The following FGF14 variants were observed in gnomAD, a reference collection of about 807,000 sequenced individuals.
FGF14 encodes fibroblast growth factor 14, also known as fibroblast growth factor homologous factor 4.
FGF14 carries 5 observed loss-of-function variants against 25.5 expected under a neutral mutation model. That is an observed-to-expected ratio of 0.20 (90% CI 0.10 to 0.41). The LOEUF (loss-of-function observed/expected upper bound fraction) is 0.41. FGF14 is among the 10% of genes least tolerant of loss of function. The pLI is 1.00. For missense variants in FGF14, 222 were observed against 320.1 expected, an observed-to-expected ratio of 0.69 and a Z score of 2.34; for synonymous variants, 138 against 118.3, an observed-to-expected ratio of 1.17 and a Z score of -1.08.
chr13:102,330,319 G>T (rs2056594413), intron 1 of FGF14, among the ~76,000 whole-genome samples: 1 of 152,020 alleles, frequency 6.6e-6, no homozygotes, highest in African/African-American at 2.4e-5. Flanking sequence ...CTATTATTGT[G>T]AACCAATTTT....
intron 1 of FGF14, among the ~76,000 whole-genome samples, chr13:101,888,444 GA>G (rs1204904050): frequency 6.6e-6 from 1 of 152,124 alleles, no homozygotes; most frequent in Non-Finnish European, 1.5e-5. Context: ...ATATATACAT[GA>G]ATGTGTGTGT....
At chr13:102,055,667 T>A (rs1379528437) in intron 1 of FGF14, among the ~76,000 whole-genome samples, 1 of 152,168 alleles carries the variant, frequency 6.6e-6, no homozygotes, top group Non-Finnish European at 1.5e-5. Context: ...CCACTTGAGA[T>A]TCAATGTTCA....
At chr13:102,150,570 C>T (rs1594159078) in intron 1 of FGF14, among the ~76,000 whole-genome samples, 1 of 152,066 alleles carries the variant, frequency 6.6e-6, no homozygotes, top group East Asian at 2.0e-4. Context: ...CTCCTTTAAA[C>T]ATGACAAGCC....
intron 1 of FGF14, among the ~76,000 whole-genome samples, chr13:102,295,821 G>T (rs530744151): frequency 6.6e-6 from 1 of 152,248 alleles, no homozygotes; most frequent in South Asian, 2.1e-4. Context: ...GTCTGAATGG[G>T]CAGTAAAATA....
chr13:102,260,094 C>T (rs1163443828), intron 1 of FGF14, among the ~76,000 whole-genome samples: 1 of 150,052 alleles, frequency 6.7e-6, no homozygotes, highest in African/African-American at 2.5e-5. Flanking sequence ...AGTCAGAGAA[C>T]AAGAAAAAGA....
At chr13:101,911,746 A>T (rs1173790156) in intron 1 of FGF14, among the ~76,000 whole-genome samples, 1 of 152,174 alleles carries the variant, frequency 6.6e-6, no homozygotes, top group African/African-American at 2.4e-5. Flanking sequence ...AATTTGATCT[A>T]ACCTTAATAC....
chr13:102,188,980 G>A (rs1414489531), intron 1 of FGF14, among the ~76,000 whole-genome samples: 1 of 61,250 alleles, frequency 1.6e-5, no homozygotes, highest in East Asian at 4.2e-4. Context: ...AAGAAAGAAA[G>A]AAAGAAAGAA....
chr13:101,812,049 G>C (rs1452632889), intron 3 of FGF14, among the ~76,000 whole-genome samples: 1 of 152,080 alleles, frequency 6.6e-6, no homozygotes, highest in Non-Finnish European at 1.5e-5. Context: ...GATTTCAAAA[G>C]ATTTATCACT....
At chr13:101,915,377 G>A (rs2139114692) in intron 1 of FGF14, among the ~76,000 whole-genome samples, 1 of 152,258 alleles carries the variant, frequency 6.6e-6, no homozygotes, top group South Asian at 2.1e-4. Flanking sequence ...ATACAGCTGG[G>A]AGCCGACAAT....
At chr13:101,956,468 G>A (rs2036520962) in intron 1 of FGF14, among the ~76,000 whole-genome samples, 1 of 152,050 alleles carries the variant, frequency 6.6e-6, no homozygotes, top group East Asian at 1.9e-4. Context: ...AATATACAAG[G>A]CCTGGAATGT....
At chr13:102,196,154 A>G (rs1029136341) in intron 1 of FGF14, among the ~76,000 whole-genome samples, 2 of 152,242 alleles carry the variant, frequency 1.3e-5, no homozygotes, top group African/African-American at 4.8e-5. Context: ...AAACCATACA[A>G]TAGCTATTAT....
intron 1 of FGF14, among the ~76,000 whole-genome samples, chr13:101,893,411 G>A (rs1352490842): frequency 6.6e-6 from 1 of 152,142 alleles, no homozygotes; most frequent in Non-Finnish European, 1.5e-5. Flanking sequence ...CTGTGGTGGA[G>A]AGAACAATGG....
At chr13:102,165,034 A>G (rs2047937429) in intron 1 of FGF14, among the ~76,000 whole-genome samples, 1 of 152,198 alleles carries the variant, frequency 6.6e-6, no homozygotes, top group Non-Finnish European at 1.5e-5. Context: ...CTAGATCAAA[A>G]TGGTGATGGG....
chr13:101,824,114 G>C (rs1356971238), intron 3 of FGF14, among the ~76,000 whole-genome samples: 2 of 152,154 alleles, frequency 1.3e-5, no homozygotes, highest in African/African-American at 4.8e-5. Context: ...TAAATTGTGA[G>C]GGATGCTTTT....
intron 3 of FGF14, among the ~76,000 whole-genome samples, chr13:101,852,124 G>A (rs1475829509): frequency 6.6e-6 from 1 of 152,008 alleles, no homozygotes; most frequent in Admixed American, 6.6e-5. Flanking sequence ...ATGCTACTGA[G>A]GTGTTTTTAT....
At chr13:102,325,968 G>A (rs1225049850) in intron 1 of FGF14, among the ~76,000 whole-genome samples, 1 of 152,172 alleles carries the variant, frequency 6.6e-6, no homozygotes, top group Non-Finnish European at 1.5e-5. Context: ...GGACATAGGT[G>A]ATGCTTAAAA....
At chr13:102,132,152 G>T (rs1410361915) in intron 1 of FGF14, among the ~76,000 whole-genome samples, 1 of 152,150 alleles carries the variant, frequency 6.6e-6, no homozygotes, top group Non-Finnish European at 1.5e-5. Context: ...TGGGAATGGG[G>T]AGTTGGCGAC....
At chr13:101,977,667 G>A (rs1298753361) in intron 1 of FGF14, among the ~76,000 whole-genome samples, 1 of 152,122 alleles carries the variant, frequency 6.6e-6, no homozygotes, top group African/African-American at 2.4e-5. Context: ...CTTGCAAATG[G>A]AAACCGAGTG....
intron 1 of FGF14, among the ~76,000 whole-genome samples, chr13:102,045,344 T>C (rs956975849): frequency 5.9e-5 from 9 of 152,090 alleles, no homozygotes; most frequent in Non-Finnish European, 1.2e-4. Flanking sequence ...TTTCACAGGA[T>C]GCCTGAAACA....
Sources: allele counts gnomAD v4.1 joint callset (sites outside exome capture counted in the v4.1 genomes callset), GRCh38; gene constraint gnomAD v4.1.1; transcripts MANE v1.5; gene names NCBI Gene and HGNC (gene_info 2026-07-23, HGNC 2026-07-21).